Variants in FAM168A observed in about 807,000 individuals in gnomAD.
FAM168A encodes protein FAM168A.
In FAM168A, 3 loss-of-function variants were observed where a neutral mutation model predicts 28.5. The observed-to-expected ratio is 0.11, with a 90% confidence interval of 0.05 to 0.27. The LOEUF (loss-of-function observed/expected upper bound fraction) is 0.27. FAM168A is among the 10% of genes least tolerant of loss of function. The pLI is 1.00. For missense variants in FAM168A, 222 were observed against 311.5 expected, an observed-to-expected ratio of 0.71 and a Z score of 2.16; for synonymous variants, 122 against 124.2, an observed-to-expected ratio of 0.98 and a Z score of 0.12.
intron 1 of FAM168A, among the ~76,000 whole-genome samples, chr11:73,514,085 T>C (rs2134641409): frequency 6.6e-6 from 1 of 152,150 alleles, no homozygotes; most frequent in Admixed American, 6.5e-5. Flanking sequence ...CTCAGGAGGC[T>C]GAGGCTGCAG....
At chr11:73,499,820 T>G (rs1319218473) in intron 1 of FAM168A, among the ~76,000 whole-genome samples, 1 of 150,828 alleles carries the variant, frequency 6.6e-6, no homozygotes, top group Non-Finnish European at 1.5e-5. Flanking sequence ...CAGACAAAAA[T>G]AGAGAAAAAA....
intron 1 of FAM168A, among the ~76,000 whole-genome samples, chr11:73,576,872 A>G (rs1244293667): frequency 6.6e-6 from 1 of 152,142 alleles, no homozygotes; most frequent in Non-Finnish European, 1.5e-5. Context: ...GGCTCTCACA[A>G]TACAAAGTAT....
intron 2 of FAM168A, among the ~76,000 whole-genome samples, chr11:73,460,226 C>G (rs190935077): frequency 2.6e-5 from 4 of 152,076 alleles, no homozygotes; most frequent in Non-Finnish European, 4.4e-5. Flanking sequence ...AAAATCTCTC[C>G]CGCACTGGCT....
At chr11:73,524,790 G>C (rs186145620) in intron 1 of FAM168A, among the ~76,000 whole-genome samples, 119 of 152,102 alleles carry the variant, frequency 7.8e-4, no homozygotes, top group African/African-American at 2.7e-3. Context: ...GTGAAGACAG[G>C]GTTTCACCAT....
chr11:73,409,770 C>T, intron 5 of FAM168A, 109 bp from the exon 6 acceptor site: 1 of 1,121,418 alleles, frequency 8.9e-7, no homozygotes, highest in Non-Finnish European at 1.3e-6. Flanking sequence ...TGGGGCTCTG[C>T]TTGTCTTACT....
intron 1 of FAM168A, among the ~76,000 whole-genome samples, chr11:73,476,362 G>A (rs546162000): frequency 1.4e-5 from 2 of 139,250 alleles, no homozygotes; most frequent in Admixed American, 8.2e-5. Flanking sequence ...AGAGACATCA[G>A]AAATCACACT....
intron 2 of FAM168A, 117 bp from the exon 3 acceptor site, chr11:73,430,887 G>T: frequency 1.3e-6 from 1 of 762,204 alleles, no homozygotes; most frequent in Non-Finnish European, 2.1e-6. Context: ...TAGGTTTGGC[G>T]TTCAGTCTCT....
At chr11:73,573,871 A>G (rs1414862068) in intron 1 of FAM168A, among the ~76,000 whole-genome samples, 1 of 152,164 alleles carries the variant, frequency 6.6e-6, no homozygotes, top group Non-Finnish European at 1.5e-5. Context: ...TGAGAGGATC[A>G]CTATGTCCAG....
chr11:73,444,076 A>G (rs1590781218), intron 2 of FAM168A, among the ~76,000 whole-genome samples: 1 of 152,340 alleles, frequency 6.6e-6, no homozygotes, highest in East Asian at 1.9e-4. Flanking sequence ...TGTGGATTCA[A>G]AAGTCAGCTG....
intron 1 of FAM168A, among the ~76,000 whole-genome samples, chr11:73,497,611 G>T (rs576201388): frequency 2.0e-4 from 30 of 152,226 alleles, no homozygotes; most frequent in African/African-American, 6.0e-4. Context: ...GCAATAACTA[G>T]GTCTCTAGAA....
At chr11:73,566,082 A>G (rs1174849285) in intron 1 of FAM168A, among the ~76,000 whole-genome samples, 1 of 152,216 alleles carries the variant, frequency 6.6e-6, no homozygotes, top group Non-Finnish European at 1.5e-5. Context: ...ACCTTTTATC[A>G]TGTTAACATC....
intron 1 of FAM168A, among the ~76,000 whole-genome samples, 181 bp from the exon 2 acceptor site, chr11:73,468,673 G>T (rs1939382): frequency 0.31 from 47,695 of 152,092 alleles, 9,676 homozygotes; most frequent in African/African-American, 0.58. Context: ...TTCCCCATTT[G>T]ACAGATGAAG....
chr11:73,475,819 A>T (rs10047442), intron 1 of FAM168A, among the ~76,000 whole-genome samples: 47,834 of 151,990 alleles, frequency 0.31, 9,765 homozygotes, highest in African/African-American at 0.58. Context: ...GGACTACTGC[A>T]ACCAGAGTGG....
At chr11:73,549,261 T>C (rs190266090) in intron 1 of FAM168A, among the ~76,000 whole-genome samples, 1 of 152,198 alleles carries the variant, frequency 6.6e-6, no homozygotes, top group African/African-American at 2.4e-5. Flanking sequence ...ATTTCTATCA[T>C]AGTACCTACT....
In FAM168A at chr11:73,430,277, GGTGT is replaced by G. The variant is rs35239246; in HGVS notation, c.151+409_151+412del. ...GTGTGTGTGTGTGTGTGTGTCCCAA[GGTGT>G]GTGTGTGTGTGTGTGTGTGTGTCCC... is the stretch of plus-strand genomic sequence containing the variant. On this transcript the variant is annotated intron_variant, in intron 3 of 7. Coordinates refer to ENST00000356467, the MANE Select transcript of FAM168A (RefSeq NM_015159.3). The G allele has an allele frequency of 6.0e-3, 1,040 of 174,568 alleles. 2 individuals carry two copies. The highest frequency in any genetic ancestry group is 6.5e-3 in the African/African-American group (254 of 39,302). The allele number at this position is 174,568 out of a possible 1,614,324, so 10.8% of individuals were successfully genotyped here. A position where few individuals can be genotyped will look rare whatever the true frequency, so the allele number is the denominator to read the frequency against.
intron 2 of FAM168A, among the ~76,000 whole-genome samples, chr11:73,441,563 C>T (rs113269866): frequency 8.5e-5 from 13 of 152,284 alleles, no homozygotes; most frequent in African/African-American, 2.4e-4. Context: ...CCTTTATCTT[C>T]CATTTTTTCA....
intron 1 of FAM168A, among the ~76,000 whole-genome samples, chr11:73,559,375 G>A (rs1590854534): frequency 6.6e-6 from 1 of 151,854 alleles, no homozygotes; most frequent in Admixed American, 6.6e-5. Context: ...CCACTGCATC[G>A]AGCCTGGGCA....
intron 1 of FAM168A, among the ~76,000 whole-genome samples, chr11:73,560,019 T>G (rs1377113246): frequency 1.3e-5 from 2 of 152,166 alleles, no homozygotes; most frequent in Non-Finnish European, 2.9e-5. Context: ...AGCAGTTATA[T>G]CCACAGAATT....
chr11:73,523,311 C>A (rs1047992361), intron 1 of FAM168A, among the ~76,000 whole-genome samples: 1 of 152,016 alleles, frequency 6.6e-6, no homozygotes, highest in African/African-American at 2.4e-5. Flanking sequence ...GCATAATGAT[C>A]ATTTATAATT....
Sources: allele counts gnomAD v4.1 joint callset (sites outside exome capture counted in the v4.1 genomes callset), GRCh38; gene constraint gnomAD v4.1.1; transcripts MANE v1.5; gene names NCBI Gene and HGNC (gene_info 2026-07-23, HGNC 2026-07-21).